The following ASIC2 variants were observed in gnomAD, a reference collection of about 807,000 sequenced individuals.
The protein encoded by ASIC2 is acid-sensing ion channel 2.
ASIC2 carries 25 observed loss-of-function variants against 57.3 expected under a neutral mutation model. The observed-to-expected ratio is 0.44, with a 90% CI of 0.32 to 0.61. The LOEUF (loss-of-function observed/expected upper bound fraction) is 0.61, where lower values mean the gene tolerates loss of function less well. Among genes scored for constraint, ASIC2 ranks in the 20% least tolerant of loss-of-function variants. ASIC2 has a pLI of 0.06. For synonymous variants in ASIC2, 319 were observed against 307.5 expected, an observed-to-expected ratio of 1.04 and a Z score of -0.39; for missense variants, 641 against 738.1, an observed-to-expected ratio of 0.87 and a Z score of 1.52.
At chr17:33,345,924 A>G (rs1233757968) in intron 1 of ASIC2, among the ~76,000 whole-genome samples, 1 of 152,056 alleles carries the variant, frequency 6.6e-6, no homozygotes, top group East Asian at 1.9e-4. Context: ...AGGTGTTGAC[A>G]GCAGAGACAG....
chr17:33,454,507 A>C (rs1412739812), intron 1 of ASIC2, among the ~76,000 whole-genome samples: 1 of 152,094 alleles, frequency 6.6e-6, no homozygotes, highest in Non-Finnish European at 1.5e-5. Context: ...TACTTTCTTA[A>C]CTGCTTTGTT....
At chr17:33,157,159 G>A (rs1419854336) in intron 1 of ASIC2, among the ~76,000 whole-genome samples, 1 of 151,974 alleles carries the variant, frequency 6.6e-6, no homozygotes, top group Non-Finnish European at 1.5e-5. Flanking sequence ...CCCTCTCCCT[G>A]GTCAGTGAAA....
chr17:33,396,361 C>T (rs1302890156), intron 1 of ASIC2, among the ~76,000 whole-genome samples: 1 of 152,198 alleles, frequency 6.6e-6, no homozygotes, highest in Non-Finnish European at 1.5e-5. Context: ...CAAAATATCA[C>T]ATTTCCTGAA....
At chr17:33,836,958 G>C (rs915153725) in intron 1 of ASIC2, among the ~76,000 whole-genome samples, 3 of 152,214 alleles carry the variant, frequency 2.0e-5, no homozygotes, top group Admixed American at 1.3e-4. Context: ...GTGTTTTACT[G>C]TACTTAGTAC....
intron 1 of ASIC2, among the ~76,000 whole-genome samples, chr17:33,526,110 A>G (rs1914878532): frequency 1.3e-5 from 2 of 152,346 alleles, no homozygotes; most frequent in South Asian, 4.1e-4. Context: ...GAGCCCTAAG[A>G]TGACAGGAAC....
chr17:33,214,516 C>T (rs1385917729), intron 1 of ASIC2, among the ~76,000 whole-genome samples: 1 of 152,216 alleles, frequency 6.6e-6, no homozygotes, highest in African/African-American at 2.4e-5. Flanking sequence ...CTTTATCCTT[C>T]AATTGGTGCT....
At chr17:33,830,251 AC>A (rs2141899939) in intron 1 of ASIC2, among the ~76,000 whole-genome samples, 1 of 152,212 alleles carries the variant, frequency 6.6e-6, no homozygotes, top group South Asian at 2.1e-4. Context: ...GTAACTTGTA[AC>A]TTCTAATTGC....
chr17:33,914,663 C>A (rs908358956), intron 1 of ASIC2, among the ~76,000 whole-genome samples: 25 of 152,180 alleles, frequency 1.6e-4, no homozygotes, highest in African/African-American at 5.6e-4. Flanking sequence ...GTTGTAGGGA[C>A]CTGCTCAAGG....
chr17:33,323,195 A>C (rs1906937054), intron 1 of ASIC2, among the ~76,000 whole-genome samples: 1 of 152,178 alleles, frequency 6.6e-6, no homozygotes, highest in Non-Finnish European at 1.5e-5. Context: ...TATTCAACGG[A>C]AGTGGATGCA....
chr17:33,141,381 A>G (rs2092387059), intron 1 of ASIC2, among the ~76,000 whole-genome samples: 1 of 152,244 alleles, frequency 6.6e-6, no homozygotes, highest in South Asian at 2.1e-4. Context: ...GATAGTTAAA[A>G]TGATTTATAT....
intron 1 of ASIC2, among the ~76,000 whole-genome samples, chr17:33,890,388 CT>C (rs1426409418): frequency 6.6e-6 from 1 of 152,228 alleles, no homozygotes; most frequent in Non-Finnish European, 1.5e-5. Context: ...CTTTGCATGT[CT>C]TCTATTGCAG....
At chr17:33,178,737 T>G (rs1021571813) in intron 1 of ASIC2, among the ~76,000 whole-genome samples, 4 of 152,184 alleles carry the variant, frequency 2.6e-5, no homozygotes, top group Admixed American at 2.0e-4. Flanking sequence ...CAATGTTCCT[T>G]TTTGAAGAGG....
intron 1 of ASIC2, among the ~76,000 whole-genome samples, chr17:33,659,908 AAAT>A (rs909897127): frequency 4.9e-5 from 7 of 144,188 alleles, no homozygotes; most frequent in African/African-American, 1.0e-4. Context: ...ATAAATAAAT[AAAT>A]AAATAAAATA....
At chr17:33,630,342 C>T (rs1024683650) in intron 1 of ASIC2, among the ~76,000 whole-genome samples, 1 of 152,166 alleles carries the variant, frequency 6.6e-6, no homozygotes, top group Non-Finnish European at 1.5e-5. Context: ...CTGAGTGCCC[C>T]TCTGCTCCTG....
At chr17:33,244,759 G>T (rs1306347794) in intron 1 of ASIC2, among the ~76,000 whole-genome samples, 3 of 152,178 alleles carry the variant, frequency 2.0e-5, no homozygotes, top group African/African-American at 7.2e-5. Flanking sequence ...ACAAGGCGTG[G>T]TCTGACCACT....
chr17:33,852,228 G>A (rs1913788027), intron 1 of ASIC2, among the ~76,000 whole-genome samples: 1 of 152,212 alleles, frequency 6.6e-6, no homozygotes, highest in African/African-American at 2.4e-5. Context: ...AGAGCAATGA[G>A]GCCTTTTACC....
intron 1 of ASIC2, among the ~76,000 whole-genome samples, chr17:34,147,683 G>C (rs1157855802): frequency 6.6e-6 from 1 of 152,166 alleles, no homozygotes; most frequent in African/African-American, 2.4e-5. Flanking sequence ...TGTAGGCTTG[G>C]TCTCAGGTTG....
chr17:33,819,626 A>T (rs1257971987), intron 1 of ASIC2, among the ~76,000 whole-genome samples: 1 of 152,188 alleles, frequency 6.6e-6, no homozygotes, highest in Non-Finnish European at 1.5e-5. Flanking sequence ...GCAGTTTGGG[A>T]AATTCTAATG....
rs146594027 is a variant in ASIC2, at chr17:33,489,234, C to T, written c.556-377167G>A. ...TAAAAGCCACCATTACTGAGGGCTT[C>T]CTCTGAGCCAGACACTGTGCTGAGA... On this transcript the variant is annotated intron_variant, in intron 1 of 9. Transcript: ENST00000359872. 3.3e-5 allele frequency among the ~76,000 whole-genome samples: 5 copies of T among 152,292 alleles called. No homozygotes were observed. The East Asian group carries it at 9.7e-4, about 29-fold the overall frequency.
Sources: allele counts gnomAD v4.1 joint callset (sites outside exome capture counted in the v4.1 genomes callset), GRCh38; gene constraint gnomAD v4.1.1; transcripts MANE v1.5; gene names NCBI Gene and HGNC (gene_info 2026-07-23, HGNC 2026-07-21).